NR6A1: variants seen among roughly 807,000 people sequenced by gnomAD.
NR6A1 encodes the protein nuclear receptor subfamily 6 group A member 1, also known as retinoic acid receptor-related testis-associated receptor.
A neutral mutation model predicts 59.1 loss-of-function variants in NR6A1; 7 were observed. That is an observed-to-expected ratio of 0.12 (90% CI 0.07 to 0.22). The LOEUF is 0.22. NR6A1 is among the 10% of genes least tolerant of loss of function. The probability of loss-of-function intolerance (pLI) is 1.00; values close to 1 mark genes in which losing one functional copy is unlikely to be tolerated. For missense variants in NR6A1, 468 were observed against 611.6 expected, an observed-to-expected ratio of 0.77 and a Z score of 2.48; for synonymous variants, 243 against 236.1, an observed-to-expected ratio of 1.03 and a Z score of -0.27.
At chr9:124,753,216 T>TA (rs1392014069) in intron 1 of NR6A1, among the ~76,000 whole-genome samples, 2 of 152,250 alleles carry the variant, frequency 1.3e-5, no homozygotes, top group Non-Finnish European at 2.9e-5. Flanking sequence ...AATGTGGTGT[T>TA]AGTTTTTCTA....
chr9:124,572,442 A>T (rs1834464569), intron 2 of NR6A1, among the ~76,000 whole-genome samples: 1 of 145,664 alleles, frequency 6.9e-6, no homozygotes, highest in South Asian at 2.2e-4. Context: ...CAACTGCTAG[A>T]GACTATTCTT....
At chr9:124,578,301 A>G (rs1834665827) in intron 2 of NR6A1, among the ~76,000 whole-genome samples, 1 of 152,162 alleles carries the variant, frequency 6.6e-6, no homozygotes. Context: ...CTGTATCTAC[A>G]CTGCCCATTT....
At chr9:124,630,992 A>G (rs1836425623) in intron 2 of NR6A1, among the ~76,000 whole-genome samples, 2 of 152,058 alleles carry the variant, frequency 1.3e-5, no homozygotes, top group Admixed American at 6.6e-5. Context: ...TTGAAGTCTC[A>G]GTTTTCTCAC....
chr9:124,590,591 T>A (rs974771657), intron 2 of NR6A1, among the ~76,000 whole-genome samples: 1 of 152,230 alleles, frequency 6.6e-6, no homozygotes, highest in Admixed American at 6.5e-5. Context: ...TAGAAAATAG[T>A]AAATACTTCA....
chr9:124,646,839 C>T (rs1305686679), intron 2 of NR6A1, among the ~76,000 whole-genome samples: 1 of 152,154 alleles, frequency 6.6e-6, no homozygotes, highest in Non-Finnish European at 1.5e-5. Flanking sequence ...TAGAGACAAT[C>T]TAAATAGGCC....
chr9:124,565,899 A>G (rs571542822), intron 2 of NR6A1, among the ~76,000 whole-genome samples: 20 of 152,332 alleles, frequency 1.3e-4, no homozygotes, highest in Non-Finnish European at 2.5e-4. Flanking sequence ...ACTATGGAAA[A>G]CGGCATGTCA....
At chr9:124,609,287 A>G (rs193212981) in intron 2 of NR6A1, among the ~76,000 whole-genome samples, 58 of 152,186 alleles carry the variant, frequency 3.8e-4, no homozygotes, top group Admixed American at 1.2e-3. Flanking sequence ...ATTTTTGTCT[A>G]TGATGTAAGG....
chr9:124,531,217 A>G (rs1425980105), intron 7 of NR6A1, among the ~76,000 whole-genome samples: 7 of 152,222 alleles, frequency 4.6e-5, no homozygotes, highest in Non-Finnish European at 1.0e-4. Flanking sequence ...AGAGGTACCC[A>G]TTAAAGCCCA....
chr9:124,714,046 CA>C (rs771053070), intron 2 of NR6A1, among the ~76,000 whole-genome samples: 14 of 152,186 alleles, frequency 9.2e-5, no homozygotes, highest in Non-Finnish European at 1.2e-4. Context: ...ACATACAATG[CA>C]ATCTTATTCA....
chr9:124,605,732 A>C (rs1835559976), intron 2 of NR6A1, among the ~76,000 whole-genome samples: 1 of 152,248 alleles, frequency 6.6e-6, no homozygotes, highest in Non-Finnish European at 1.5e-5. Context: ...AACTATGAGT[A>C]GGACAGGGTT....
intron 2 of NR6A1, among the ~76,000 whole-genome samples, chr9:124,678,152 T>C (rs554142456): frequency 2.5e-4 from 38 of 152,330 alleles, no homozygotes; most frequent in African/African-American, 8.2e-4. Context: ...GTAAATCCCA[T>C]TCCAATTGCA....
At chr9:124,682,194 G>A (rs1838186467) in intron 2 of NR6A1, among the ~76,000 whole-genome samples, 1 of 151,938 alleles carries the variant, frequency 6.6e-6, no homozygotes, top group South Asian at 2.1e-4. Flanking sequence ...TAGAGACAGG[G>A]TTTCACCATG....
intron 2 of NR6A1, among the ~76,000 whole-genome samples, chr9:124,646,913 G>A (rs935866300): frequency 2.0e-5 from 3 of 152,154 alleles, no homozygotes; most frequent in African/African-American, 7.2e-5. Context: ...TTGTGGGTGT[G>A]GAGTTTTTAA....
intron 7 of NR6A1, among the ~76,000 whole-genome samples, chr9:124,530,176 G>T (rs1163227038): frequency 6.6e-6 from 1 of 152,148 alleles, no homozygotes; most frequent in East Asian, 1.9e-4. Flanking sequence ...TGCCTGGCCT[G>T]TCCATACACC....
At chr9:124,545,199 A>T (rs1564172854) in intron 3 of NR6A1, among the ~76,000 whole-genome samples, 1 of 152,174 alleles carries the variant, frequency 6.6e-6, no homozygotes, top group Non-Finnish European at 1.5e-5. Flanking sequence ...GCCTCTCTGG[A>T]CTTCAGTTTA....
intron 2 of NR6A1, among the ~76,000 whole-genome samples, chr9:124,699,442 C>A (rs1266761762): frequency 6.6e-6 from 1 of 152,162 alleles, no homozygotes; most frequent in Non-Finnish European, 1.5e-5. Context: ...CAAGAAGTTG[C>A]TATTATACTC....
At chr9:124,752,372 T>A (rs1840527151) in intron 1 of NR6A1, among the ~76,000 whole-genome samples, 1 of 152,190 alleles carries the variant, frequency 6.6e-6, no homozygotes, top group Non-Finnish European at 1.5e-5. Flanking sequence ...TCAATTTTTT[T>A]AAAAGGATAA....
intron 2 of NR6A1, among the ~76,000 whole-genome samples, chr9:124,556,494 T>C: frequency 6.7e-6 from 1 of 149,900 alleles, no homozygotes. Flanking sequence ...GGAGTCTTGC[T>C]CTGTCACCCA....
chr9:124,723,474 T>C (rs1839623009), intron 2 of NR6A1, among the ~76,000 whole-genome samples: 1 of 152,202 alleles, frequency 6.6e-6, no homozygotes, highest in Non-Finnish European at 1.5e-5. Flanking sequence ...TTCCTGTGAC[T>C]GAACTATTTA....
Sources: allele counts gnomAD v4.1 joint callset (sites outside exome capture counted in the v4.1 genomes callset), GRCh38; gene constraint gnomAD v4.1.1; transcripts MANE v1.5; gene names NCBI Gene and HGNC (gene_info 2026-07-23, HGNC 2026-07-21).